LRRK1: variants seen among roughly 807,000 people sequenced by gnomAD.
LRRK1 encodes the protein leucine-rich repeat serine/threonine-protein kinase 1.
A neutral mutation model predicts 209.1 loss-of-function variants in LRRK1; 113 were observed. That is an observed-to-expected ratio of 0.54 (90% CI 0.46 to 0.63). The LOEUF (loss-of-function observed/expected upper bound fraction) is 0.63, where lower values mean the gene tolerates loss of function less well. Ranked by LOEUF, LRRK1 falls within the 30% of genes least tolerant of loss-of-function variation. The pLI is 0.00. For synonymous variants in LRRK1, 1,144 were observed against 1,099.7 expected (o/e 1.04, Z -0.80); for missense variants, 2,284 against 2,632.2 (o/e 0.87, Z 2.89).
intron 31 of LRRK1, among the ~76,000 whole-genome samples, chr15:101,063,582 G>A (rs1466010195): frequency 6.6e-6 from 1 of 152,170 alleles, no homozygotes; most frequent in East Asian, 1.9e-4. Context: ...CTGTGCATAG[G>A]CGCCCTCACT....
chr15:101,021,011 G>C (rs1316925289), intron 12 of LRRK1, 42 bp from the exon 13 acceptor site: 12 of 1,611,846 alleles, frequency 7.4e-6, no homozygotes, highest in African/African-American at 1.3e-5. Context: ...TGACGGTCCA[G>C]AATTATTTTT....
chr15:101,050,385 GAGACGA>G (rs2035346371), intron 23 of LRRK1, among the ~76,000 whole-genome samples: 3 of 152,196 alleles, frequency 2.0e-5, no homozygotes, highest in Non-Finnish European at 4.4e-5. Context: ...TCCTGGGGTG[GAGACGA>G]CTCCCAGAGC....
intron 20 of LRRK1, among the ~76,000 whole-genome samples, chr15:101,038,974 T>G (rs2034616841): frequency 6.6e-6 from 1 of 152,232 alleles, no homozygotes; most frequent in Non-Finnish European, 1.5e-5. Context: ...CTACAAAGTC[T>G]CTATTTCCAT....
At chr15:101,012,649 CCACCCTGCA>C (rs2033318622) in intron 10 of LRRK1, among the ~76,000 whole-genome samples, 1 of 5,320 alleles carries the variant, frequency 1.9e-4, no homozygotes, top group Admixed American at 0.011. Context: ...AGTGCCCAGG[CCACCCTGCA>C]CAGGCTTCAG....
chr15:100,955,188 T>C (rs895762558), intron 2 of LRRK1, among the ~76,000 whole-genome samples: 3 of 152,202 alleles, frequency 2.0e-5, no homozygotes, highest in Non-Finnish European at 4.4e-5. Context: ...CTTTCATCAA[T>C]GTCTTATAGT....
At chr15:100,945,041 T>C (rs891986342) in intron 2 of LRRK1, among the ~76,000 whole-genome samples, 1 of 152,216 alleles carries the variant, frequency 6.6e-6, no homozygotes, top group Non-Finnish European at 1.5e-5. Flanking sequence ...TGCATAGTGT[T>C]CTGTGACATG....
intron 13 of LRRK1, 104 bp from the exon 14 acceptor site, chr15:101,021,741 C>G (rs2033797170): frequency 1.1e-5 from 8 of 736,438 alleles, no homozygotes; most frequent in South Asian, 1.1e-4. Flanking sequence ...GTCTGGGGTA[C>G]AGGCTGCAGA....
Position 101,053,363 on chromosome 15 carries a change from G to T in LRRK1, c.3997G>T (p.Ala1333Ser). Residue 1333 changes from alanine to serine, a missense_variant, in exon 26 of 34, where the codon GCC (alanine) becomes TCC (serine). Physicochemically the swap from Ala to Ser is moderately conservative, Grantham distance 99 (BLOSUM62 1). Transcript: ENST00000388948. Reference protein sequence around the residue: ...IGISIHPLCFALELAPLSSLN... With the variant: ...IGISIHPLCFSLELAPLSSLN... ...CATCAGCATCCACCCGCTCTGCTTC[G>T]CCCTGGAGCTCGCGCCGCTCAGCAG... 1 of 1,602,030 alleles carries T rather than the reference G, an allele frequency of 6.2e-7. No homozygotes were observed.
chr15:101,074,533 A>G lies in LRRK1; in HGVS notation c.*5685A>G, dbSNP rs892821070. 4.6e-5 allele frequency: 7 copies of G among 152,152 alleles called. No homozygotes were observed. The highest frequency in any genetic ancestry group is 2.1e-4 in the South Asian group (1 of 4,816). 9.4% of individuals were successfully genotyped at this position (152,152 alleles called of 1,614,324 possible). ...GACACTTTACGGCCCTAGACCCTAA[A>G]AGCCCAAAAGGCCGTCTTATTCTCA... On this transcript the variant is annotated 3_prime_UTR_variant, in exon 34 of 34. Transcript: ENST00000388948.
intron 26 of LRRK1, among the ~76,000 whole-genome samples, chr15:101,054,211 C>T (rs1479105782): frequency 6.6e-6 from 1 of 152,142 alleles, no homozygotes; most frequent in South Asian, 2.1e-4. Flanking sequence ...TGAGCTCAGT[C>T]GATCCCCCCA....
At chr15:101,030,494 G>A (rs1298712951) in intron 20 of LRRK1, among the ~76,000 whole-genome samples, 1 of 152,154 alleles carries the variant, frequency 6.6e-6, no homozygotes, top group Admixed American at 6.5e-5. Context: ...CTGGAAGTCT[G>A]GCACGGTGAC....
At chr15:101,054,128 A>C (rs1369816930) in intron 26 of LRRK1, among the ~76,000 whole-genome samples, 5 of 152,110 alleles carry the variant, frequency 3.3e-5, no homozygotes, top group Non-Finnish European at 7.4e-5. Context: ...ACACGCCACC[A>C]CACCCAGCTA....
chr15:100,973,947 T>C lies in LRRK1; in HGVS notation c.241T>C (p.Cys81Arg). 3 of 1,252,144 alleles carry C rather than the reference T, an allele frequency of 2.4e-6. No individual in the cohort carries two copies. Among genetic ancestry groups the C allele is most frequent in the African/African-American group, 1.5e-5 (1 of 64,588 alleles). 77.6% of individuals were successfully genotyped at this position (1,252,144 alleles called of 1,614,324 possible). A position where few individuals can be genotyped will look rare whatever the true frequency, so the allele number is the denominator to read the frequency against. ...RDLLEEACDQ[C>R]ASQLEKGQLL... Reference sequence around the variant, plus strand: ...CCTGCTGGAGGAGGCCTGCGACCAGTGCGCGTCCCAGCTGGAAAAGGTAGG... The same window carrying C: ...CCTGCTGGAGGAGGCCTGCGACCAGCGCGCGTCCCAGCTGGAAAAGGTAGG... Residue 81 changes from cysteine to arginine, a missense_variant, in exon 3 of 34, where the codon TGC (cysteine) becomes CGC (arginine). By Grantham distance (180) the Cys-to-Arg change is radical. Coordinates refer to ENST00000388948, the MANE Select transcript of LRRK1 (RefSeq NM_024652.6).
chr15:100,940,894 AAT>A (rs1194333154), intron 2 of LRRK1, among the ~76,000 whole-genome samples: 11 of 152,210 alleles, frequency 7.2e-5, no homozygotes, highest in Non-Finnish European at 1.2e-4. Flanking sequence ...CCCGAACAGT[AAT>A]GTGAGGATGC....
chr15:100,959,791 T>C (rs1026795433), intron 2 of LRRK1, among the ~76,000 whole-genome samples: 2 of 152,216 alleles, frequency 1.3e-5, no homozygotes, highest in Admixed American at 6.5e-5. Context: ...CCAAACACCA[T>C]GCTATGTCAA....
intron 4 of LRRK1, among the ~76,000 whole-genome samples, chr15:100,984,731 C>G (rs1440693955): frequency 6.6e-6 from 1 of 152,070 alleles, no homozygotes; most frequent in Non-Finnish European, 1.5e-5. Context: ...TTTGTAGGAA[C>G]TATTTTTTTC....
In LRRK1 at chr15:101,061,161, C is replaced by CCACT. The variant is rs1023568554; in HGVS notation, c.4680-9_4680-6dup. On this transcript the variant is annotated splice_polypyrimidine_tract_variant and intron_variant, in intron 29 of 33. Transcript: ENST00000388948. ...CCGGGCACTGACAGCACAGTTTCTG[C>CCACT]CACTTACAGGAACTACACGGTGGTG... The CCACT allele has an allele frequency of 9.2e-6, 10 of 1,088,642 alleles. No individual in the cohort carries two copies. The highest frequency in any genetic ancestry group is 1.6e-5 in the African/African-American group (1 of 63,158). The allele number at this position is 1,088,642 out of a possible 1,614,324, so 67.4% of individuals were successfully genotyped here. A position where few individuals can be genotyped will look rare whatever the true frequency, so the allele number is the denominator to read the frequency against.
Position 101,024,030 on chromosome 15 carries a change from G to T in LRRK1, c.2068-773G>T, listed in dbSNP as rs1008208336. Among the ~76,000 whole-genome samples the T allele has an allele frequency of 6.6e-6, 1 of 151,962 alleles. No homozygotes were observed. Among genetic ancestry groups the T allele is most frequent in the Admixed American group, 6.5e-5 (1 of 15,268 alleles). ...GTGAATTCGTGCTTCTATTTTTCCTGACCTTCACCCCCACTTCCTTTCTGC... is the reference window on the plus strand; with the variant it reads ...GTGAATTCGTGCTTCTATTTTTCCTTACCTTCACCCCCACTTCCTTTCTGC... On this transcript the variant is annotated intron_variant, in intron 15 of 33. Transcript: ENST00000388948. The surrounding 1 kb of genome is among the most constrained non-coding windows in gnomAD (Gnocchi z 4.6).
intron 2 of LRRK1, among the ~76,000 whole-genome samples, chr15:100,932,439 G>A (rs1479154897): frequency 2.6e-5 from 4 of 152,156 alleles, no homozygotes; most frequent in Admixed American, 6.5e-5. Flanking sequence ...CACCACATCT[G>A]GTGTGAATCC....
Sources: gnomAD v4.1 joint callset for allele counts (sites outside exome capture counted in the v4.1 genomes callset) on GRCh38, gnomAD v4.1.1 for gene constraint, Gnocchi (gnomAD v3.1) non-coding constraint, MANE v1.5 for transcripts, NCBI Gene and HGNC (gene_info 2026-07-23, HGNC 2026-07-21) for gene names.